The following MEGF11 variants were observed in gnomAD, a reference collection of about 807,000 sequenced individuals.
MEGF11 encodes multiple epidermal growth factor-like domains protein 11.
Under a neutral mutation model 146.6 loss-of-function variants are expected in MEGF11, and 126 were observed. The observed-to-expected ratio is 0.86, with a 90% CI of 0.74 to 1.00. The LOEUF is 1.00. MEGF11 is among the 50% of genes least tolerant of loss of function. The probability of loss-of-function intolerance (pLI) is 0.00; values close to 1 mark genes in which losing one functional copy is unlikely to be tolerated. For synonymous variants in MEGF11, 532 were observed against 583.4 expected, an observed-to-expected ratio of 0.91 and a Z score of 1.27; for missense variants, 1,509 against 1,521.2, an observed-to-expected ratio of 0.99 and a Z score of 0.13.
intron 1 of MEGF11, among the ~76,000 whole-genome samples, chr15:66,167,288 C>T (rs1047455780): frequency 6.6e-6 from 1 of 152,188 alleles, no homozygotes; most frequent in East Asian, 1.9e-4. Context: ...ACTCTCATGA[C>T]GTTTCAGAAA....
At chr15:66,167,161 C>T (rs1301405055) in intron 1 of MEGF11, among the ~76,000 whole-genome samples, 1 of 152,180 alleles carries the variant, frequency 6.6e-6, no homozygotes, top group African/African-American at 2.4e-5. Context: ...CAAACAGCCC[C>T]AGGGTGATGG....
At chr15:66,072,008 C>A (rs2085388624) in intron 5 of MEGF11, among the ~76,000 whole-genome samples, 1 of 152,264 alleles carries the variant, frequency 6.6e-6, no homozygotes, top group South Asian at 2.1e-4. Flanking sequence ...GCTCTGCTCT[C>A]CAGGAGCTCT....
intron 1 of MEGF11, among the ~76,000 whole-genome samples, chr15:66,224,542 C>T (rs1260614492): frequency 6.6e-6 from 1 of 150,452 alleles, no homozygotes; most frequent in African/African-American, 2.4e-5. Context: ...CAAGATGGCG[C>T]CACTGTACTC....
chr15:66,187,595 T>C (rs770099129), intron 1 of MEGF11, among the ~76,000 whole-genome samples: 11 of 152,220 alleles, frequency 7.2e-5, no homozygotes, highest in Non-Finnish European at 1.5e-4. Context: ...GGCAGTCTTG[T>C]GTACTCACAC....
intron 10 of MEGF11, among the ~76,000 whole-genome samples, chr15:65,941,672 C>T (rs964030495): frequency 4.6e-5 from 7 of 152,160 alleles, no homozygotes; most frequent in South Asian, 2.1e-4. Context: ...GATTCTGTAC[C>T]GAGTTTAGAG....
chr15:66,044,440 C>T (rs756242686), intron 5 of MEGF11, among the ~76,000 whole-genome samples: 7 of 152,178 alleles, frequency 4.6e-5, no homozygotes, highest in Non-Finnish European at 8.8e-5. Flanking sequence ...GGAGAATGTA[C>T]ATCTTTCTAT....
chr15:66,071,547 C>G (rs375449788), intron 5 of MEGF11, among the ~76,000 whole-genome samples: 1 of 152,202 alleles, frequency 6.6e-6, no homozygotes, highest in African/African-American at 2.4e-5. Flanking sequence ...AACGGCAGAC[C>G]GGCCTGTGTG....
chr15:66,130,443 A>G (rs1781046259), intron 1 of MEGF11, among the ~76,000 whole-genome samples: 2 of 152,146 alleles, frequency 1.3e-5, no homozygotes, highest in East Asian at 1.9e-4. Context: ...TCCTGACAGC[A>G]TCTTCAAACT....
intron 5 of MEGF11, among the ~76,000 whole-genome samples, chr15:65,984,731 C>T (rs2081792216): frequency 6.6e-6 from 1 of 152,074 alleles, no homozygotes; most frequent in African/African-American, 2.4e-5. Flanking sequence ...TATGTTGTGA[C>T]TATTATGATA....
intron 5 of MEGF11, among the ~76,000 whole-genome samples, chr15:66,028,075 T>C (rs1157065544): frequency 2.0e-5 from 3 of 152,206 alleles, no homozygotes; most frequent in Non-Finnish European, 4.4e-5. Context: ...GAGTCCCCTG[T>C]CTCAGCTCCC....
At chr15:65,954,402 A>T (rs2080506159) in intron 10 of MEGF11, among the ~76,000 whole-genome samples, 1 of 152,190 alleles carries the variant, frequency 6.6e-6, no homozygotes, top group Non-Finnish European at 1.5e-5. Context: ...GAGTGAGGAC[A>T]AGAGTAATGG....
Position 65,929,841 on chromosome 15 carries a change from G to A in MEGF11, c.1451C>T (p.Thr484Met), listed in dbSNP as rs748166051. Reference protein sequence around the residue: ...LDCTLPCPSGTWGLNCNESCT... With the variant: ...LDCTLPCPSGMWGLNCNESCT... ...GCTCTCGTTGCAGTTCAGGCCCCAC[G>A]TCCCACTGGGACATGGCAGGGTGCA... Residue 484 changes from threonine (T) to methionine (M), a missense_variant, in exon 12 of 26, where the codon ACG becomes ATG. Transcript: ENST00000395614. The A allele has an allele frequency of 1.6e-5, 25 of 1,594,446 alleles. No individual in the cohort carries two copies. The highest frequency in any genetic ancestry group is 2.7e-5 in the African/African-American group (2 of 74,494).
At chr15:65,964,446 T>G (rs16949168) in intron 9 of MEGF11, among the ~76,000 whole-genome samples, 7,851 of 152,226 alleles carry the variant, frequency 0.052, 676 homozygotes, top group African/African-American at 0.18. Context: ...GTCCTGACCT[T>G]CTGCAGCTCA....
intron 9 of MEGF11, among the ~76,000 whole-genome samples, chr15:65,959,388 A>G (rs2080777253): frequency 6.6e-6 from 1 of 152,248 alleles, no homozygotes; most frequent in Non-Finnish European, 1.5e-5. Context: ...TAATACTTGC[A>G]AGTAGCTAGT....
chr15:65,980,053 T>TGTGC (rs1849803598), intron 7 of MEGF11, among the ~76,000 whole-genome samples: 1 of 152,302 alleles, frequency 6.6e-6, no homozygotes, highest in African/African-American at 2.4e-5. Context: ...TGTGTGTGTG[T>TGTGC]GTGCAAGTGC....
intron 1 of MEGF11, among the ~76,000 whole-genome samples, chr15:66,246,561 G>A (rs1443391881): frequency 6.6e-6 from 1 of 152,144 alleles, no homozygotes; most frequent in Non-Finnish European, 1.5e-5. Flanking sequence ...TCAGCACTGT[G>A]GGAGGCTGAG....
At chr15:66,148,889 G>A (rs563836804) in intron 1 of MEGF11, among the ~76,000 whole-genome samples, 2 of 152,328 alleles carry the variant, frequency 1.3e-5, no homozygotes, top group South Asian at 4.1e-4. Context: ...TCCCCCAAAT[G>A]GCTGATTCCT....
chr15:66,233,232 A>G (rs1203247060), intron 1 of MEGF11, among the ~76,000 whole-genome samples: 2 of 152,100 alleles, frequency 1.3e-5, no homozygotes, highest in Admixed American at 6.5e-5. Flanking sequence ...AGAAAATCCT[A>G]TTATTATTAT....
At chr15:66,094,561 G>T in intron 4 of MEGF11, 67 bp from the exon 5 acceptor site, 1 of 1,373,374 alleles carries the variant, frequency 7.3e-7, no homozygotes, top group Non-Finnish European at 1.0e-6. Context: ...TCTGGTCAAG[G>T]AGCATAATCC....
Sources: gnomAD v4.1 joint callset for allele counts (sites outside exome capture counted in the v4.1 genomes callset) on GRCh38, gnomAD v4.1.1 for gene constraint, MANE v1.5 for transcripts, NCBI Gene and HGNC (gene_info 2026-07-23, HGNC 2026-07-21) for gene names.